USH2A: variants seen among roughly 807,000 people sequenced by gnomAD.
USH2A encodes usherin.
In USH2A, 443 loss-of-function variants were observed where a neutral mutation model predicts 538.9. The observed-to-expected ratio is 0.82, with a 90% CI of 0.76 to 0.89. The LOEUF is 0.89. USH2A is among the 40% of genes least tolerant of loss of function. The pLI is 0.00. For synonymous variants in USH2A, 2,413 were observed against 2,273.5 expected, an observed-to-expected ratio of 1.06 and a Z score of -1.75; for missense variants, 6,633 against 6,324.8, an observed-to-expected ratio of 1.05 and a Z score of -1.65.
At chr1:215,971,405 A>G (rs1667491233) in intron 35 of USH2A, among the ~76,000 whole-genome samples, 1 of 152,110 alleles carries the variant, frequency 6.6e-6, no homozygotes, top group South Asian at 2.1e-4. Flanking sequence ...CCCAATCAAG[A>G]TAGAACAGGA....
intron 21 of USH2A, among the ~76,000 whole-genome samples, chr1:216,111,395 A>C (rs2032866077): frequency 6.6e-6 from 1 of 152,194 alleles, no homozygotes; most frequent in Admixed American, 6.6e-5. Flanking sequence ...TCCTTCGGAT[A>C]CATTAACCAA....
intron 21 of USH2A, among the ~76,000 whole-genome samples, chr1:216,106,088 C>T (rs571777906): frequency 1.3e-5 from 2 of 149,738 alleles, no homozygotes; most frequent in African/African-American, 4.9e-5. Context: ...TTAGCAGTGG[C>T]TAGAACTACT....
chr1:215,696,939 C>T (rs1658829309), intron 61 of USH2A, among the ~76,000 whole-genome samples: 2 of 151,652 alleles, frequency 1.3e-5, no homozygotes, highest in African/African-American at 4.9e-5. Context: ...ACTTCCATTA[C>T]ACCCTCTTTT....
intron 44 of USH2A, among the ~76,000 whole-genome samples, chr1:215,866,620 G>A (rs924691147): frequency 1.3e-5 from 2 of 152,124 alleles, no homozygotes; most frequent in Non-Finnish European, 2.9e-5. Context: ...GTGAACAATA[G>A]TACATTGTAT....
At chr1:216,238,905 C>T (rs1483422981) in intron 13 of USH2A, among the ~76,000 whole-genome samples, 1 of 152,114 alleles carries the variant, frequency 6.6e-6, no homozygotes, top group African/African-American at 2.4e-5. Context: ...CACCAGCATG[C>T]TGTCTGCCCC....
At chr1:216,145,247 G>A (rs1221268700) in intron 21 of USH2A, among the ~76,000 whole-genome samples, 1 of 152,174 alleles carries the variant, frequency 6.6e-6, no homozygotes, top group Non-Finnish European at 1.5e-5. Context: ...AACAGAATCA[G>A]TTCTGCATGG....
chr1:215,842,153 G>A (rs1244733635), intron 46 of USH2A, among the ~76,000 whole-genome samples: 1 of 152,060 alleles, frequency 6.6e-6, no homozygotes, highest in Non-Finnish European at 1.5e-5. Context: ...GTGAAACCCT[G>A]TCTCTACTGA....
At chr1:215,741,995 T>C (rs923097067) in intron 59 of USH2A, among the ~76,000 whole-genome samples, 3 of 152,216 alleles carry the variant, frequency 2.0e-5, no homozygotes, top group Non-Finnish European at 4.4e-5. Flanking sequence ...TGAAGGATAT[T>C]GTACCTCCAT....
chr1:215,717,192 T>C (rs1360128173), intron 61 of USH2A, among the ~76,000 whole-genome samples: 1 of 152,144 alleles, frequency 6.6e-6, no homozygotes, highest in Non-Finnish European at 1.5e-5. Flanking sequence ...TAGAAACCTG[T>C]TTTGTCCCTA....
At chr1:216,400,412 A>T (rs1042860584) in intron 3 of USH2A, among the ~76,000 whole-genome samples, 1 of 151,844 alleles carries the variant, frequency 6.6e-6, no homozygotes, top group African/African-American at 2.4e-5. Flanking sequence ...AGGAAAAAAA[A>T]AAACTTGAAG....
Position 215,743,599 on chromosome 1 carries a change from T to C in USH2A, c.11390-264A>G, listed in dbSNP as rs138065808. Among the ~76,000 whole-genome samples, 61,213 of 150,024 alleles carry C rather than the reference T, an allele frequency of 0.41. 12,710 individuals are homozygous for C. Among genetic ancestry groups the C allele is most frequent in the Admixed American group, 0.47 (7,043 of 14,976 alleles). ...ATCCCAGCACTTTGGGAGGTTGAGG[T>C]GGGCTGATCACAAGGTCAGGAGATG... On this transcript the variant is annotated intron_variant, in intron 58 of 71. Coordinates refer to ENST00000307340, the MANE Select transcript of USH2A (RefSeq NM_206933.4).
At chr1:215,969,131 T>C (rs903245907) in intron 36 of USH2A, among the ~76,000 whole-genome samples, 1 of 152,182 alleles carries the variant, frequency 6.6e-6, no homozygotes, top group Non-Finnish European at 1.5e-5. Context: ...TATAGTTGAC[T>C]TGTTCTAAAT....
chr1:215,758,719 A>G lies in USH2A; in HGVS notation c.11265T>C (p.Gly3755=), dbSNP rs759509640. 1.9e-6 allele frequency: 3 copies of G among 1,614,020 alleles called. No homozygotes were observed. Among genetic ancestry groups the G allele is most frequent in the Non-Finnish European group, 2.5e-6 (3 of 1,179,990 alleles). The change falls in exon 58 of 72, where the codon GGT becomes GGC. Residue 3755 remains glycine, a synonymous_variant. Coordinates refer to ENST00000307340, the MANE Select transcript of USH2A (RefSeq NM_206933.4). ...TGTAATCATCACTAGCACTGCTGCC[A>G]CCTCCAGTTTTGACTTCTAACTTGT... ...YTYKLEVKTG[G]GSSASDDYIV... is the part of the protein sequence containing the mutation.
intron 47 of USH2A, among the ~76,000 whole-genome samples, chr1:215,827,862 C>T (rs1271679957): frequency 3.9e-5 from 6 of 151,912 alleles, no homozygotes; most frequent in Admixed American, 6.6e-5. Flanking sequence ...AGAAATGTGG[C>T]CTTAATTTTT....
intron 25 of USH2A, among the ~76,000 whole-genome samples, 175 bp downstream of exon 25, chr1:216,084,523 T>A (rs1195735516): frequency 6.6e-6 from 1 of 152,168 alleles, no homozygotes; most frequent in Non-Finnish European, 1.5e-5. Context: ...GTCTTATAAT[T>A]TATATTGCAT....
At chr1:216,417,119 T>G (rs1439842984) in intron 3 of USH2A, among the ~76,000 whole-genome samples, 5 of 152,080 alleles carry the variant, frequency 3.3e-5, no homozygotes, top group Non-Finnish European at 7.4e-5. Context: ...GTCCCCTTTG[T>G]GTATCATTTC....
chr1:216,288,595 C>T (rs150983135), intron 11 of USH2A, among the ~76,000 whole-genome samples: 1 of 152,168 alleles, frequency 6.6e-6, no homozygotes, highest in East Asian at 1.9e-4. Flanking sequence ...AAAATTAATA[C>T]AATCATTGAA....
At chr1:216,162,206 G>A (rs534677485) in intron 21 of USH2A, among the ~76,000 whole-genome samples, 5 of 150,968 alleles carry the variant, frequency 3.3e-5, no homozygotes, top group African/African-American at 1.2e-4. Flanking sequence ...TTTCCTTCTC[G>A]ATATGCTTCA....
chr1:216,105,512 CTT>C (rs2032709982), intron 21 of USH2A, among the ~76,000 whole-genome samples: 2 of 152,006 alleles, frequency 1.3e-5, no homozygotes, highest in African/African-American at 4.8e-5. Flanking sequence ...ACTATGAAGT[CTT>C]AATTATTATG....
Sources: allele counts gnomAD v4.1 joint callset (sites outside exome capture counted in the v4.1 genomes callset), GRCh38; gene constraint gnomAD v4.1.1; transcripts MANE v1.5; gene names NCBI Gene and HGNC (gene_info 2026-07-23, HGNC 2026-07-21).